ACAA2: variants seen among roughly 807,000 people sequenced by gnomAD.
ACAA2 encodes acetyl-CoA acyltransferase 2.
ACAA2 carries 35 observed loss-of-function variants against 44.8 expected under a neutral mutation model. The ratio of observed to expected loss-of-function variants is 0.78; its 90% CI spans 0.60 to 1.04. ACAA2 has a LOEUF of 1.04. Among genes scored for constraint, ACAA2 ranks in the 50% least tolerant of loss-of-function variants. The pLI, the probability that ACAA2 is intolerant of heterozygous loss-of-function variation, is 0.00. For missense variants in ACAA2, 468 were observed against 482.6 expected (o/e 0.97, Z 0.28); for synonymous variants, 142 against 166.5 (o/e 0.85, Z 1.13).
intron 1 of ACAA2, among the ~76,000 whole-genome samples, chr18:49,812,343 T>C (rs1031538980): frequency 6.8e-6 from 1 of 146,564 alleles, no homozygotes; most frequent in Non-Finnish European, 1.5e-5. Context: ...TCTCAATCCT[T>C]CTTTCCACAT....
intron 7 of ACAA2, among the ~76,000 whole-genome samples, chr18:49,788,771 G>A (rs571760410): frequency 2.1e-4 from 32 of 152,248 alleles, no homozygotes; most frequent in South Asian, 1.9e-3. Flanking sequence ...AGAATCCACC[G>A]TAACAATATG....
chr18:49,802,581 T>C, intron 2 of ACAA2, 106 bp downstream of exon 2: 1 of 1,010,868 alleles, frequency 9.9e-7, no homozygotes, highest in Non-Finnish European at 1.4e-6. Context: ...AAAAAAAGTC[T>C]ATAACTATTA....
At chr18:49,792,835 T>A (rs2023421375) in intron 5 of ACAA2, among the ~76,000 whole-genome samples, 1 of 152,190 alleles carries the variant, frequency 6.6e-6, no homozygotes, top group African/African-American at 2.4e-5. Flanking sequence ...ATTTTGCATC[T>A]TTTAAAAATT....
intron 2 of ACAA2, among the ~76,000 whole-genome samples, chr18:49,799,522 T>C (rs2023506459): frequency 6.6e-6 from 1 of 152,180 alleles, no homozygotes; most frequent in Admixed American, 6.5e-5. Flanking sequence ...CAGTGCTCAA[T>C]AGTGCCCAGG....
At chr18:49,785,479 TTTTATCTACAA>T (rs1240435850) in intron 8 of ACAA2, 128 bp from the exon 9 acceptor site, 16 of 846,362 alleles carry the variant, frequency 1.9e-5, no homozygotes, top group Admixed American at 2.8e-5. Context: ...CGCAAAGTTA[TTTTATCTACAA>T]TCATTCTGCA....
chr18:49,810,374 T>C (rs1453839447), intron 1 of ACAA2, among the ~76,000 whole-genome samples: 1 of 152,136 alleles, frequency 6.6e-6, no homozygotes, highest in Non-Finnish European at 1.5e-5. Context: ...AAATGACCCC[T>C]CACTTCTCAG....
intron 8 of ACAA2, 31 bp downstream of exon 8, chr18:49,787,260 T>TC: frequency 9.8e-7 from 1 of 1,023,526 alleles, no homozygotes; most frequent in Non-Finnish European, 1.3e-6. Context: ...TTCATGTTGT[T>TC]AAAAAAAAAA....
Position 49,783,659 on chromosome 18 carries a change from A to T in ACAA2, c.*188T>A. On this transcript the variant is annotated 3_prime_UTR_variant, in exon 10 of 10. Transcript: ENST00000285093. ...TATTTCACTGGTTCAAATCTGAGAG[A>T]ATGTACTTCTAGCATGGGCTCCTAT... The T allele has an allele frequency of 1.8e-6, 1 of 545,024 alleles. No individual in the cohort carries two copies. The highest frequency in any genetic ancestry group is 3.1e-5 in the Admixed American group (1 of 31,908). 33.8% of individuals were successfully genotyped at this position (545,024 alleles called of 1,614,324 possible).
intron 9 of ACAA2, among the ~76,000 whole-genome samples, chr18:49,784,520 A>G (rs905030247): frequency 6.6e-6 from 1 of 152,110 alleles, no homozygotes; most frequent in Non-Finnish European, 1.5e-5. Context: ...TTACTTTTGT[A>G]TGTGGCAATC....
At chr18:49,796,907 C>T (rs767251629) in intron 3 of ACAA2, among the ~76,000 whole-genome samples, 14 of 151,988 alleles carry the variant, frequency 9.2e-5, no homozygotes, top group Non-Finnish European at 2.1e-4. Context: ...AGCAGGGTGC[C>T]TAGCATGTAG....
At chr18:49,800,849 G>GCCCT (rs5824804) in intron 2 of ACAA2, among the ~76,000 whole-genome samples, 125,010 of 148,106 alleles carry the variant, frequency 0.84, 52,830 homozygotes, top group East Asian at 0.95. Flanking sequence ...TTGTCCTGTG[G>GCCCT]GCCAAATCCC....
At chr18:49,790,289 A>C (rs1234454335) in intron 7 of ACAA2, among the ~76,000 whole-genome samples, 4 of 152,226 alleles carry the variant, frequency 2.6e-5, no homozygotes. Context: ...TGAACATGCC[A>C]GCTTTTTTTC....
At chr18:49,803,270 A>AATAATAATAATC (rs1223340705) in intron 1 of ACAA2, among the ~76,000 whole-genome samples, 1 of 148,822 alleles carries the variant, frequency 6.7e-6, no homozygotes, top group Non-Finnish European at 1.5e-5. Context: ...TAATAATAAT[A>AATAATAATAATC]ATAATAATAA....
chr18:49,792,604 C>A (rs1476932388), intron 5 of ACAA2, among the ~76,000 whole-genome samples: 2 of 152,096 alleles, frequency 1.3e-5, no homozygotes, highest in Non-Finnish European at 2.9e-5. Context: ...ACCACCATGC[C>A]CGGCTAATTT....
chr18:49,798,332 C>T (rs2143964046), intron 2 of ACAA2, among the ~76,000 whole-genome samples: 1 of 152,220 alleles, frequency 6.6e-6, no homozygotes, highest in South Asian at 2.1e-4. Context: ...CTTTAAAATG[C>T]ATATGGGGGC....
At chr18:49,802,290 G>C (rs1352662317) in intron 2 of ACAA2, among the ~76,000 whole-genome samples, 1 of 152,164 alleles carries the variant, frequency 6.6e-6, no homozygotes, top group Non-Finnish European at 1.5e-5. Flanking sequence ...TTGGCTGGGA[G>C]TGGTGGCTCA....
At chr18:49,809,396 T>C (rs1452077941) in intron 1 of ACAA2, among the ~76,000 whole-genome samples, 1 of 152,196 alleles carries the variant, frequency 6.6e-6, no homozygotes, top group African/African-American at 2.4e-5. Flanking sequence ...AAGTGATAAA[T>C]GTCCATGAAA....
chr18:49,784,179 G>C (rs1265658328), intron 9 of ACAA2, among the ~76,000 whole-genome samples: 2 of 152,130 alleles, frequency 1.3e-5, no homozygotes, highest in Admixed American at 1.3e-4. Flanking sequence ...CTAAAAAGGA[G>C]ATGAGTGGAT....
At chr18:49,798,587 G>C (rs908526424) in intron 2 of ACAA2, among the ~76,000 whole-genome samples, 1 of 151,972 alleles carries the variant, frequency 6.6e-6, no homozygotes, top group Non-Finnish European at 1.5e-5. Flanking sequence ...ATCAAGGTAC[G>C]GGGTTTTAGG....
Sources: gnomAD v4.1 joint callset for allele counts (sites outside exome capture counted in the v4.1 genomes callset) on GRCh38, gnomAD v4.1.1 for gene constraint, MANE v1.5 for transcripts, NCBI Gene and HGNC (gene_info 2026-07-23, HGNC 2026-07-21) for gene names.